The following FAM185A variants were observed in gnomAD, a reference collection of about 807,000 sequenced individuals.
FAM185A encodes the protein family with sequence similarity 185 member A.
Under a neutral mutation model 45.7 loss-of-function variants are expected in FAM185A, and 21 were observed. The observed-to-expected ratio is 0.46, with a 90% CI of 0.33 to 0.66. The LOEUF is 0.66. Ranked by LOEUF, FAM185A falls within the 30% of genes least tolerant of loss-of-function variation. The pLI is 0.03. For synonymous variants in FAM185A, 117 were observed against 194.0 expected, an observed-to-expected ratio of 0.60 and a Z score of 3.30; for missense variants, 305 against 485.4, an observed-to-expected ratio of 0.63 and a Z score of 3.49.
At chr7:102,789,680 G>C (rs1465313019) in intron 7 of FAM185A, among the ~76,000 whole-genome samples, 1 of 152,298 alleles carries the variant, frequency 6.6e-6, no homozygotes, top group African/African-American at 2.4e-5. Flanking sequence ...CTGCCCTCCA[G>C]TCTGAGCAAG....
intron 7 of FAM185A, among the ~76,000 whole-genome samples, chr7:102,788,806 A>G (rs569344390): frequency 4.6e-5 from 7 of 152,316 alleles, no homozygotes; most frequent in African/African-American, 1.2e-4. Flanking sequence ...TTCCTAGGCT[A>G]CACCCTGTAC....
At chr7:102,807,529 T>C (rs968526325) in intron 7 of FAM185A, among the ~76,000 whole-genome samples, 23 of 152,022 alleles carry the variant, frequency 1.5e-4, no homozygotes, top group Middle Eastern at 6.8e-3. Flanking sequence ...TCAACTAGTA[T>C]GTCTTCTCCA....
the FAM185A span, among the ~76,000 whole-genome samples, chr7:102,848,376 G>A: frequency 1.6e-5 from 1 of 61,378 alleles, no homozygotes; most frequent in Non-Finnish European, 2.9e-5. Context: ...CTAACACGGT[G>A]AAACCCCGTC....
intron 7 of FAM185A, among the ~76,000 whole-genome samples, chr7:102,804,745 C>A (rs927473613): frequency 5.3e-5 from 8 of 152,186 alleles, no homozygotes; most frequent in Admixed American, 6.5e-5. Context: ...AGTAAACAGA[C>A]AACCCACAGA....
chr7:102,826,375 C>A, the FAM185A span, among the ~76,000 whole-genome samples: 1 of 151,930 alleles, frequency 6.6e-6, no homozygotes, highest in African/African-American at 2.4e-5. Flanking sequence ...AAAAGAGAGT[C>A]CAAGTTTTTG....
chr7:102,826,708 G>C, the FAM185A span, among the ~76,000 whole-genome samples: 1 of 127,832 alleles, frequency 7.8e-6, no homozygotes, highest in Non-Finnish European at 1.6e-5. Context: ...CTGGGAGACA[G>C]AGTGAGACCC....
chr7:102,825,298 G>A, the FAM185A span, among the ~76,000 whole-genome samples: 2 of 152,168 alleles, frequency 1.3e-5, no homozygotes, highest in Admixed American at 6.5e-5. Context: ...GCTCTCATCA[G>A]TGGATTAACC....
At chr7:102,780,218 C>T (rs1224196872) in intron 6 of FAM185A, among the ~76,000 whole-genome samples, 2 of 152,140 alleles carry the variant, frequency 1.3e-5, no homozygotes. Context: ...TAAACCCCAT[C>T]CTGACCATCT....
At chr7:102,770,145 A>G (rs1002270407) in intron 4 of FAM185A, among the ~76,000 whole-genome samples, 2 of 152,020 alleles carry the variant, frequency 1.3e-5, no homozygotes, top group African/African-American at 4.8e-5. Context: ...ATTCTTCACT[A>G]ACTTTTTTGG....
At chr7:102,805,927 G>A (rs777342430) in intron 7 of FAM185A, among the ~76,000 whole-genome samples, 1 of 152,118 alleles carries the variant, frequency 6.6e-6, no homozygotes, top group Non-Finnish European at 1.5e-5. Context: ...TGGCTCATGG[G>A]TGTGACCTCC....
chr7:102,846,748 G>GAAGTTTAAGAATCGTTCCT, the FAM185A span, among the ~76,000 whole-genome samples: 1 of 152,076 alleles, frequency 6.6e-6, no homozygotes, highest in African/African-American at 2.4e-5. Flanking sequence ...TTGTACTAAG[G>GAAGTTTAAGAATCGTTCCT]AAGCTTAATG....
At chr7:102,758,440 T>A (rs998460331) in intron 3 of FAM185A, among the ~76,000 whole-genome samples, 4 of 131,774 alleles carry the variant, frequency 3.0e-5, no homozygotes. Flanking sequence ...TTTTTTTTTT[T>A]TTTTTTTTTT....
intron 4 of FAM185A, among the ~76,000 whole-genome samples, chr7:102,771,639 C>A (rs1794749011): frequency 6.6e-6 from 1 of 151,954 alleles, no homozygotes; most frequent in African/African-American, 2.4e-5. Flanking sequence ...TATTCCTTTA[C>A]TTTTTAGTGT....
At chr7:102,750,920 T>G (rs1339008544) in intron 1 of FAM185A, among the ~76,000 whole-genome samples, 4 of 151,892 alleles carry the variant, frequency 2.6e-5, no homozygotes, top group Non-Finnish European at 5.9e-5. Flanking sequence ...TTTGTTTTGG[T>G]TTTTTTTGAG....
chr7:102,833,596 C>CT, the FAM185A span, among the ~76,000 whole-genome samples: 2,542 of 138,176 alleles, frequency 0.018, 27 homozygotes, highest in Middle Eastern at 0.038. Context: ...CCGGCTAATT[C>CT]TTTTTTTTTT....
chr7:102,808,715 C>T lies in FAM185A; in HGVS notation c.*313C>T, dbSNP rs1562884056. On this transcript the variant is annotated 3_prime_UTR_variant, in exon 8 of 8. Transcript: ENST00000413034. ...CAGGCTGAGTTCTCATCTGGAGTCT[C>T]TGGGAAGAAATCTACTTCCAACTTC... is the stretch of plus-strand genomic sequence containing the variant. 1 of 237,056 alleles carries T rather than the reference C, an allele frequency of 4.2e-6. No homozygotes were observed. Among genetic ancestry groups the T allele is most frequent in the Non-Finnish European group, 8.3e-6 (1 of 119,776 alleles). 14.7% of individuals were successfully genotyped at this position (237,056 alleles called of 1,614,324 possible). A position where few individuals can be genotyped will look rare whatever the true frequency, so the allele number is the denominator to read the frequency against.
chr7:102,756,552 G>A (rs938587587), intron 2 of FAM185A, among the ~76,000 whole-genome samples: 20 of 152,104 alleles, frequency 1.3e-4, no homozygotes, highest in Non-Finnish European at 2.8e-4. Flanking sequence ...AGCTACGTGG[G>A]AGGCTGAGGC....
the FAM185A span, among the ~76,000 whole-genome samples, chr7:102,814,607 CTTA>C: frequency 1.3e-5 from 2 of 152,208 alleles, no homozygotes; most frequent in African/African-American, 4.8e-5. Context: ...TGCTTTTTAG[CTTA>C]TTATTGGCTC....
At chr7:102,841,702 T>G in the FAM185A span, among the ~76,000 whole-genome samples, 3 of 152,214 alleles carry the variant, frequency 2.0e-5, no homozygotes, top group Non-Finnish European at 2.9e-5. Flanking sequence ...GAGAATACTG[T>G]TTATTTCTTT....
Sources: gnomAD v4.1 joint callset for allele counts (sites outside exome capture counted in the v4.1 genomes callset) on GRCh38, gnomAD v4.1.1 for gene constraint, MANE v1.5 for transcripts, NCBI Gene and HGNC (gene_info 2026-07-23, HGNC 2026-07-21) for gene names.